The following ATXN10 variants were observed in gnomAD, a reference collection of about 807,000 sequenced individuals.
The protein encoded by ATXN10 is ataxin-10.
In ATXN10, 28 loss-of-function variants were observed where a neutral mutation model predicts 52.9. That is an observed-to-expected ratio of 0.53 (90% CI 0.39 to 0.73). The LOEUF (loss-of-function observed/expected upper bound fraction) is 0.73. ATXN10 is among the 30% of genes least tolerant of loss of function. ATXN10 has a pLI of 0.00. For synonymous variants in ATXN10, 226 were observed against 221.5 expected, an observed-to-expected ratio of 1.02 and a Z score of -0.18; for missense variants, 565 against 577.0, an observed-to-expected ratio of 0.98 and a Z score of 0.21.
chr22:45,788,539 C>T (rs200754533), intron 9 of ATXN10, among the ~76,000 whole-genome samples: 1 of 151,904 alleles, frequency 6.6e-6, no homozygotes, highest in Admixed American at 6.6e-5. Flanking sequence ...CAGCAGCTTC[C>T]TCACTGGGCT....
rs1008052583 is a variant in ATXN10 at position 45,747,502 on chromosome 22, T to TA, written c.1173+6973dup. On this transcript the variant is annotated intron_variant, in intron 9 of 11. Coordinates refer to ENST00000252934, the MANE Select transcript of ATXN10 (RefSeq NM_013236.4). The stretch of plus-strand genomic sequence containing the variant: ...CTCGGTGAGGGTGTGAGACCCTGTT[T>TA]AAAAAAAAAGAAACAGAAAATGTCT... 1.5e-4 allele frequency among the ~76,000 whole-genome samples: 22 copies of TA among 151,014 alleles called. No homozygotes were observed. In the Middle Eastern group the frequency reaches 0.01, roughly 72 times the overall value.
chr22:45,765,979 A>G (rs1297159412), intron 9 of ATXN10, among the ~76,000 whole-genome samples: 1 of 152,228 alleles, frequency 6.6e-6, no homozygotes, highest in African/African-American at 2.4e-5. Context: ...AAAATGTTAT[A>G]CAGCTTCCAC....
At chr22:45,802,318 CT>C (rs1262770726) in intron 9 of ATXN10, among the ~76,000 whole-genome samples, 3 of 152,194 alleles carry the variant, frequency 2.0e-5, no homozygotes, top group Admixed American at 2.0e-4. Flanking sequence ...AAACAAACAA[CT>C]TTCTTGTTTA....
intron 5 of ATXN10, among the ~76,000 whole-genome samples, chr22:45,703,364 A>G: frequency 6.6e-6 from 1 of 152,220 alleles, no homozygotes; most frequent in East Asian, 1.9e-4. Flanking sequence ...TGGTATTGGC[A>G]TAGATTTCTT....
At chr22:45,839,638 G>T (rs1207339518) in intron 10 of ATXN10, among the ~76,000 whole-genome samples, 1 of 152,184 alleles carries the variant, frequency 6.6e-6, no homozygotes, top group Admixed American at 6.5e-5. Flanking sequence ...AAAATACCGT[G>T]GTAACAGTAT....
At chr22:45,737,447 A>G (rs541585221) in intron 7 of ATXN10, among the ~76,000 whole-genome samples, 1 of 152,314 alleles carries the variant, frequency 6.6e-6, no homozygotes, top group East Asian at 1.9e-4. Flanking sequence ...TCGTTTTAAC[A>G]TGGTACTACT....
chr22:45,757,142 C>A lies in ATXN10; in HGVS notation c.1173+16604C>A, dbSNP rs554039516. On this transcript the variant is annotated intron_variant, in intron 9 of 11. Coordinates refer to ENST00000252934, the MANE Select transcript of ATXN10 (RefSeq NM_013236.4). This position sits in a 1 kb window ranked among gnomAD's most constrained non-coding sequence, Gnocchi z 4.6. ...CTGCCTGGGGCTGGGGCTGTGGAGG[C>A]GGACGACTGGGGAGTCTGATGGGGA... 1.2e-4 allele frequency among the ~76,000 whole-genome samples: 18 copies of A among 151,782 alleles called. No homozygotes were observed. Among genetic ancestry groups the A allele is most frequent in the Non-Finnish European group, 2.6e-4 (18 of 67,968 alleles).
intron 5 of ATXN10, among the ~76,000 whole-genome samples, chr22:45,717,995 A>G (rs1924509981): frequency 6.6e-6 from 1 of 152,296 alleles, no homozygotes; most frequent in East Asian, 1.9e-4. Context: ...TGAATAATCA[A>G]GCCAGTAATG....
rs5765591 is a variant in ATXN10 at position 45,727,329 on chromosome 22, C to T, written c.729-2096C>T. Among the ~76,000 whole-genome samples, 2 of 89,248 alleles carry T rather than the reference C, an allele frequency of 2.2e-5. No individual in the cohort carries two copies. The highest frequency in any genetic ancestry group is 4.6e-5 in the Non-Finnish European group (2 of 43,088). The allele number at this position is 89,248 out of a possible 152,430, so 58.6% of individuals were successfully genotyped here. ...TAGTTCTGTCTGTCTGTCTATCTAT[C>T]TATATCTATCTATCTATCTATCTAT... On this transcript the variant is annotated intron_variant, in intron 6 of 11. Coordinates refer to ENST00000252934, the MANE Select transcript of ATXN10 (RefSeq NM_013236.4). This position sits in a 1 kb window ranked among gnomAD's most constrained non-coding sequence, Gnocchi z 4.6.
intron 5 of ATXN10, among the ~76,000 whole-genome samples, chr22:45,706,436 C>T (rs535836867): frequency 5.3e-5 from 8 of 152,130 alleles, no homozygotes; most frequent in East Asian, 3.9e-4. Flanking sequence ...CTTTCTTCTG[C>T]GTGCTTTGGG....
chr22:45,774,398 T>G lies in ATXN10; in HGVS notation c.1174-32561T>G, dbSNP rs1328933962. The stretch of plus-strand genomic sequence containing the variant: ...GACACAGTGTGCGAGCAAGCAGTCC[T>G]GTGGGAGAGCTCCAGGTCTCCTGTT... On this transcript the variant is annotated intron_variant, in intron 9 of 11. Transcript: ENST00000252934. The surrounding 1 kb of genome is among the most constrained non-coding windows in gnomAD (Gnocchi z 6.2). Among the ~76,000 whole-genome samples the G allele has an allele frequency of 6.6e-6, 1 of 152,238 alleles. No individual in the cohort carries two copies. The highest frequency in any genetic ancestry group is 1.5e-5 in the Non-Finnish European group (1 of 68,044).
intron 9 of ATXN10, among the ~76,000 whole-genome samples, chr22:45,764,646 A>AGTGG (rs1926521152): frequency 6.6e-6 from 1 of 152,226 alleles, no homozygotes; most frequent in African/African-American, 2.4e-5. Context: ...GCTTTGGTGA[A>AGTGG]GTGGAGCAAA....
intron 9 of ATXN10, among the ~76,000 whole-genome samples, chr22:45,746,430 C>T (rs1925728364): frequency 1.3e-5 from 2 of 151,854 alleles, no homozygotes; most frequent in Admixed American, 1.3e-4. Flanking sequence ...TAGGTTGTTG[C>T]TCTTAATGAG....
intron 7 of ATXN10, 162 bp downstream of exon 7, chr22:45,729,752 C>T: frequency 1.2e-6 from 1 of 824,380 alleles, no homozygotes; most frequent in Non-Finnish European, 2.0e-6. Flanking sequence ...TAAGGGAAAA[C>T]AGTGTCCTTA....
At chr22:45,773,709 C>T (rs1160269122) in intron 9 of ATXN10, among the ~76,000 whole-genome samples, 3 of 152,112 alleles carry the variant, frequency 2.0e-5, no homozygotes, top group Non-Finnish European at 2.9e-5. Context: ...CTACCCACCT[C>T]GGCCTCCCAA....
intron 9 of ATXN10, among the ~76,000 whole-genome samples, chr22:45,751,956 C>A (rs1440342430): frequency 1.3e-5 from 2 of 151,290 alleles, no homozygotes; most frequent in Non-Finnish European, 2.9e-5. Context: ...TGACTCCCCC[C>A]ACCCCCACGT....
At chr22:45,808,447 G>A (rs1212190411) in intron 10 of ATXN10, among the ~76,000 whole-genome samples, 4 of 152,166 alleles carry the variant, frequency 2.6e-5, no homozygotes. Flanking sequence ...TGTTGTACAC[G>A]AGCACATTGT....
rs925602948 is a variant in ATXN10 at position 45,681,970 on chromosome 22, A to G, written c.117-7742A>G. Among the ~76,000 whole-genome samples the G allele has an allele frequency of 2.0e-5, 3 of 152,138 alleles. No individual in the cohort carries two copies. The highest frequency in any genetic ancestry group is 1.3e-4 in the Admixed American group (2 of 15,268). On this transcript the variant is annotated intron_variant, in intron 1 of 11. Coordinates refer to ENST00000252934, the MANE Select transcript of ATXN10 (RefSeq NM_013236.4). The surrounding 1 kb of genome is among the most constrained non-coding windows in gnomAD (Gnocchi z 4.2). The stretch of plus-strand genomic sequence containing the variant: ...GCCTGCCTTTGCTTCTGGTCTGTGG[A>G]TTAGCGATCTTGCTCTGAATATGAG...
At position 45,742,530 on chromosome 22, in the gene ATXN10, T is replaced by TA. The variant is rs58501128; in HGVS notation, c.1173+2005dup. ...GAACTGAAAAATACAGTATCTAAAA[T>TA]AAAAAAAAAAAAATACCGAATGTGC... On this transcript the variant is annotated intron_variant, in intron 9 of 11. Coordinates refer to ENST00000252934, the MANE Select transcript of ATXN10 (RefSeq NM_013236.4). Among the ~76,000 whole-genome samples, 102 of 140,118 alleles carry TA rather than the reference T, an allele frequency of 7.3e-4. 2 individuals are homozygous for TA. The highest frequency in any genetic ancestry group is 7.4e-3 in the Middle Eastern group (2 of 270). 91.9% of individuals were successfully genotyped at this position (140,118 alleles called of 152,430 possible).
Sources: allele counts gnomAD v4.1 joint callset (sites outside exome capture counted in the v4.1 genomes callset), GRCh38; gene constraint gnomAD v4.1.1; non-coding constraint Gnocchi (gnomAD v3.1); transcripts MANE v1.5; gene names NCBI Gene and HGNC (gene_info 2026-07-23, HGNC 2026-07-21).